The following GABRB1 variants were observed in gnomAD, a reference collection of about 807,000 sequenced individuals.
GABRB1 encodes gamma-aminobutyric acid receptor subunit beta-1.
Under a neutral mutation model 51.6 loss-of-function variants are expected in GABRB1, and 17 were observed. That is an observed-to-expected ratio of 0.33 (90% CI 0.23 to 0.49). The LOEUF (loss-of-function observed/expected upper bound fraction) is 0.49, where lower values mean the gene tolerates loss of function less well. Among genes scored for constraint, GABRB1 ranks in the 20% least tolerant of loss-of-function variants. The probability of loss-of-function intolerance (pLI) is 0.99; values close to 1 mark genes in which losing one functional copy is unlikely to be tolerated. For missense variants in GABRB1, 410 were observed against 600.6 expected, an observed-to-expected ratio of 0.68 and a Z score of 3.32; for synonymous variants, 247 against 218.9, an observed-to-expected ratio of 1.13 and a Z score of -1.14.
chr4:47,266,157 T>C (rs1482471811), intron 4 of GABRB1, among the ~76,000 whole-genome samples: 2 of 152,182 alleles, frequency 1.3e-5, no homozygotes, highest in African/African-American at 4.8e-5. Context: ...TCTCTGCATA[T>C]GACTATCTAA....
intron 1 of GABRB1, among the ~76,000 whole-genome samples, chr4:47,017,182 T>C (rs1724777394): frequency 6.6e-6 from 1 of 152,194 alleles, no homozygotes; most frequent in Non-Finnish European, 1.5e-5. Flanking sequence ...TTTTATAGTT[T>C]ATGCGTTTAT....
chr4:47,243,729 A>T (rs898489958), intron 4 of GABRB1, among the ~76,000 whole-genome samples: 4 of 152,168 alleles, frequency 2.6e-5, no homozygotes, highest in African/African-American at 7.2e-5. Flanking sequence ...TTGCACATTG[A>T]TTTTGTATCC....
chr4:47,039,760 T>C (rs1475439795), intron 3 of GABRB1, among the ~76,000 whole-genome samples: 1 of 152,100 alleles, frequency 6.6e-6, no homozygotes, highest in Non-Finnish European at 1.5e-5. Flanking sequence ...CACTGGGAGG[T>C]GTGCCTGAAA....
At chr4:47,394,026 T>C (rs951140140) in intron 5 of GABRB1, among the ~76,000 whole-genome samples, 3 of 152,206 alleles carry the variant, frequency 2.0e-5, no homozygotes, top group Non-Finnish European at 2.9e-5. Context: ...CTGATGGATA[T>C]CTAGAAAGAT....
At chr4:47,111,186 T>C (rs2028524) in intron 3 of GABRB1, among the ~76,000 whole-genome samples, 116,423 of 151,960 alleles carry the variant, frequency 0.77, 44,815 homozygotes, top group Middle Eastern at 0.82. Flanking sequence ...CATTTTATAG[T>C]CCTATACTTA....
intron 1 of GABRB1, among the ~76,000 whole-genome samples, chr4:47,009,654 T>C (rs1035762213): frequency 6.6e-6 from 1 of 152,200 alleles, no homozygotes; most frequent in Non-Finnish European, 1.5e-5. Flanking sequence ...CATACCATTG[T>C]GGATTATCTC....
Position 47,262,700 on chromosome 4 carries a change from A to T in GABRB1, c.462-57427A>T, listed in dbSNP as rs1722488621. Among the ~76,000 whole-genome samples the T allele has an allele frequency of 2.0e-5, 3 of 152,176 alleles. No individual in the cohort carries two copies. In the South Asian group the frequency reaches 6.2e-4, roughly 32 times the overall value. ...ACAGCCTTCCCATTACTGGGTATATACCCAAGGGACTATAAATCATGCTGC... is the reference window on the plus strand; with the variant it reads ...ACAGCCTTCCCATTACTGGGTATATTCCCAAGGGACTATAAATCATGCTGC... On this transcript the variant is annotated intron_variant, in intron 4 of 8. Transcript: ENST00000295454.
At chr4:47,345,894 A>G (rs1726070303) in intron 5 of GABRB1, among the ~76,000 whole-genome samples, 1 of 152,116 alleles carries the variant, frequency 6.6e-6, no homozygotes, top group African/African-American at 2.4e-5. Flanking sequence ...GCACACCCAC[A>G]ATGCATAATA....
At chr4:47,377,522 A>G (rs1264128748) in intron 5 of GABRB1, among the ~76,000 whole-genome samples, 1 of 152,036 alleles carries the variant, frequency 6.6e-6, no homozygotes. Flanking sequence ...AAGAATGAGC[A>G]GCAGCAAGAT....
At chr4:47,005,366 T>C (rs1018153021) in intron 1 of GABRB1, among the ~76,000 whole-genome samples, 5 of 152,074 alleles carry the variant, frequency 3.3e-5, no homozygotes, top group African/African-American at 7.2e-5. Context: ...TGCAGTGAGC[T>C]GAGATCCAGC....
rs1474827414 is a variant in GABRB1, at chr4:47,426,147, G to T, written c.*129G>T. The T allele has an allele frequency of 1.4e-6, 1 of 710,796 alleles. No homozygotes were observed. Among genetic ancestry groups the T allele is most frequent in the African/African-American group, 1.8e-5 (1 of 55,442 alleles). 44.0% of individuals were successfully genotyped at this position (710,796 alleles called of 1,614,324 possible). ...AGCCATCCAATTGGTTTTAGGTCTT[G>T]CATATCAGTTTTATTACTGCACCAT... On this transcript the variant is annotated 3_prime_UTR_variant, in exon 9 of 9. Coordinates refer to ENST00000295454, the MANE Select transcript of GABRB1 (RefSeq NM_000812.4).
At chr4:47,323,487 A>C (rs567906646) in intron 5 of GABRB1, among the ~76,000 whole-genome samples, 2 of 152,204 alleles carry the variant, frequency 1.3e-5, no homozygotes, top group African/African-American at 4.8e-5. Flanking sequence ...TTAACTTTTC[A>C]CAAAGAAACG....
intron 4 of GABRB1, among the ~76,000 whole-genome samples, chr4:47,176,856 G>A (rs1718725747): frequency 6.6e-6 from 1 of 152,064 alleles, no homozygotes; most frequent in East Asian, 1.9e-4. Context: ...TCCATGTGGT[G>A]GTAACATATA....
At chr4:47,286,501 G>C (rs1179697674) in intron 4 of GABRB1, among the ~76,000 whole-genome samples, 1 of 151,888 alleles carries the variant, frequency 6.6e-6, no homozygotes, top group Non-Finnish European at 1.5e-5. Flanking sequence ...GCCCTTCCTT[G>C]ACAAGCCCCC....
At chr4:47,370,667 A>G (rs1727156825) in intron 5 of GABRB1, among the ~76,000 whole-genome samples, 1 of 152,182 alleles carries the variant, frequency 6.6e-6, no homozygotes, top group Admixed American at 6.5e-5. Context: ...ATGCAGGTAT[A>G]TTCTGTGCTC....
chr4:47,353,783 A>G (rs192822714), intron 5 of GABRB1, among the ~76,000 whole-genome samples: 2 of 152,266 alleles, frequency 1.3e-5, no homozygotes, highest in East Asian at 3.9e-4. Context: ...CATTCCCATA[A>G]CCAGTAGTAA....
rs147347337 is a variant in GABRB1, at chr4:47,050,227, T to A, written c.240+17743T>A. ...GGTGGGAGGTGGGTGCAGCACAAAG[T>A]GAACTTCAAGAAAGTTACCAGTTAG... On this transcript the variant is annotated intron_variant, in intron 3 of 8. Coordinates refer to ENST00000295454, the MANE Select transcript of GABRB1 (RefSeq NM_000812.4). Among the ~76,000 whole-genome samples the A allele has an allele frequency of 2.4e-4, 37 of 152,272 alleles. 1 individual carries two copies. The highest frequency in any genetic ancestry group is 8.9e-4 in the African/African-American group (37 of 41,560).
At chr4:47,177,124 T>A (rs1427849576) in intron 4 of GABRB1, among the ~76,000 whole-genome samples, 1 of 152,066 alleles carries the variant, frequency 6.6e-6, no homozygotes, top group Non-Finnish European at 1.5e-5. Context: ...TCATTGACAA[T>A]CCAGAGGCCA....
chr4:47,356,373 C>G (rs1033564558), intron 5 of GABRB1, among the ~76,000 whole-genome samples: 4 of 152,184 alleles, frequency 2.6e-5, no homozygotes, highest in African/African-American at 9.7e-5. Context: ...TTAGGGATGT[C>G]AGTTTGCTAT....
Sources: gnomAD v4.1 joint callset for allele counts (sites outside exome capture counted in the v4.1 genomes callset) on GRCh38, gnomAD v4.1.1 for gene constraint, MANE v1.5 for transcripts, NCBI Gene and HGNC (gene_info 2026-07-23, HGNC 2026-07-21) for gene names.